Variants in CDC42BPB observed in about 807,000 individuals in gnomAD.
The protein encoded by CDC42BPB is CDC42 binding protein kinase beta.
In CDC42BPB, 37 loss-of-function variants were observed where a neutral mutation model predicts 214.9. The observed-to-expected ratio is 0.17, with a 90% CI of 0.13 to 0.23. CDC42BPB has a LOEUF of 0.23. Among genes scored for constraint, CDC42BPB ranks in the 10% least tolerant of loss-of-function variants. CDC42BPB has a pLI of 1.00. For synonymous variants in CDC42BPB, 931 were observed against 884.0 expected (o/e 1.05, Z -0.94); for missense variants, 1,694 against 2,227.0 (o/e 0.76, Z 4.82).
At chr14:102,954,962 G>A (rs1892650201) in intron 21 of CDC42BPB, 3 of 206,710 alleles carry the variant, frequency 1.5e-5, no homozygotes, top group African/African-American at 4.7e-5. Context: ...CAGTCACCCC[G>A]CTGAGGTGAG....
At position 102,968,233 on chromosome 14, in the gene CDC42BPB, A is replaced by G. The variant is rs754674544; in HGVS notation, c.2346+20T>C. 6 of 1,562,282 alleles carry G rather than the reference A, an allele frequency of 3.8e-6. No homozygotes were observed. In the African/African-American group the frequency reaches 6.8e-5, roughly 18 times the overall value. On this transcript the variant is annotated intron_variant, in intron 16 of 36. Transcript: ENST00000361246. ...CAACTTCCACACAAAGTGCTAACTC[A>G]GGTACTTTGAATTAATTACCTTTTC...
chr14:102,986,259 C>A (rs1040258373), intron 6 of CDC42BPB: 1 of 447,082 alleles, frequency 2.2e-6, no homozygotes, highest in Non-Finnish European at 4.1e-6. Context: ...TTCTGGAAGG[C>A]ACACATATTA....
intron 12 of CDC42BPB, among the ~76,000 whole-genome samples, chr14:102,973,558 A>G (rs1893582259): frequency 6.6e-6 from 1 of 152,148 alleles, no homozygotes; most frequent in Non-Finnish European, 1.5e-5. Context: ...CCTGGTGGAG[A>G]GAAGGGGAGG....
At chr14:102,978,299 C>G in intron 8 of CDC42BPB, 94 bp from the exon 9 acceptor site, 2 of 1,568,332 alleles carry the variant, frequency 1.3e-6, no homozygotes, top group Non-Finnish European at 1.7e-6. Flanking sequence ...ACAGGAGGCA[C>G]TGGGCAGAAC....
chr14:103,027,739 G>A (rs1407391004), intron 1 of CDC42BPB, among the ~76,000 whole-genome samples: 1 of 152,220 alleles, frequency 6.6e-6, no homozygotes, highest in Non-Finnish European at 1.5e-5. Flanking sequence ...TACTGCTAAT[G>A]GGTACAAGGC....
At position 102,999,572 on chromosome 14, in the gene CDC42BPB, C is replaced by A. The variant is rs147856179; in HGVS notation, c.589G>T (p.Val197Leu). 1 of 1,613,816 alleles carries A rather than the reference C, an allele frequency of 6.2e-7. No individual in the cohort carries two copies. Among genetic ancestry groups the A allele is most frequent in the Non-Finnish European group, 8.5e-7 (1 of 1,179,888 alleles). The change falls in exon 5 of 37, where the codon GTG (valine) becomes TTG (leucine). Residue 197 changes from valine to leucine, a missense_variant. By Grantham distance (32) the Val-to-Leu change is conservative. Transcript: ENST00000361246. ...ATATCAGAAGCCGGTTACCTGTGCA[C>A]GTAATGAAGCTGATGGATGGAGTCA... ...AIDSIHQLHYVHRDIKPDNVL... is the reference protein window; with the variant it reads ...AIDSIHQLHYLHRDIKPDNVL...
At chr14:102,987,618 G>A (rs900366409) in intron 5 of CDC42BPB, among the ~76,000 whole-genome samples, 1 of 151,826 alleles carries the variant, frequency 6.6e-6, no homozygotes, top group Admixed American at 6.6e-5. Context: ...CACAAACATG[G>A]GCAGATGATA....
intron 3 of CDC42BPB, among the ~76,000 whole-genome samples, chr14:103,006,167 C>T (rs567998662): frequency 6.6e-6 from 1 of 152,314 alleles, no homozygotes; most frequent in South Asian, 2.1e-4. Flanking sequence ...CCAACAGCCA[C>T]CTCAGCCACA....
chr14:102,940,487 ATCT>A (rs1295680631), intron 30 of CDC42BPB, 163 bp from the exon 31 acceptor site: 2 of 1,449,866 alleles, frequency 1.4e-6, no homozygotes, highest in African/African-American at 1.4e-5. Context: ...TCTGGAATTC[ATCT>A]TCATTTCAAA....
intron 3 of CDC42BPB, among the ~76,000 whole-genome samples, chr14:103,007,305 G>A (rs963311239): frequency 1.3e-5 from 2 of 152,170 alleles, no homozygotes; most frequent in Non-Finnish European, 2.9e-5. Context: ...GAGCGGGGGA[G>A]GGAAAAGCCA....
Position 102,980,884 on chromosome 14 carries a change from T to A in CDC42BPB, c.1029A>T (p.Glu343Asp). 6.2e-7 allele frequency: 1 copy of A among 1,614,170 alleles called. No individual in the cohort carries two copies. Among genetic ancestry groups the A allele is most frequent in the Non-Finnish European group, 8.5e-7 (1 of 1,180,028 alleles). ...IEDFKKHAFF[E>D]GLNWENIRNL... Reference sequence around the variant, plus strand: ...TTCGTATATTTTCCCAATTTAGACCTTCAAAAAACGCATGCTTTTTGAAAT... The same window carrying A: ...TTCGTATATTTTCCCAATTTAGACCATCAAAAAACGCATGCTTTTTGAAAT... Residue 343 changes from glutamate (E) to aspartate (D), a missense_variant, in exon 8 of 37, where the codon GAA becomes GAT. Transcript: ENST00000361246.
intron 25 of CDC42BPB, chr14:102,950,114 C>T: frequency 1.0e-6 from 1 of 985,244 alleles, no homozygotes; most frequent in Non-Finnish European, 1.2e-6. Flanking sequence ...GCAGCTCAGC[C>T]AACGCTGTGT....
In CDC42BPB at chr14:102,958,608, T is replaced by C. The variant is rs1892815271; in HGVS notation, c.2901+1023A>G. ...CCTCCACGGAATGCCACCAAGAACC[T>C]GCGGCCCATGGAGGGAGGCAGTGGG... On this transcript the variant is annotated intron_variant, in intron 21 of 36. Transcript: ENST00000361246. Among the ~76,000 whole-genome samples the C allele has an allele frequency of 2.0e-5, 3 of 151,612 alleles. No homozygotes were observed. In the South Asian group the frequency reaches 6.3e-4, roughly 32 times the overall value.
At chr14:102,948,814 T>G in intron 26 of CDC42BPB, among the ~76,000 whole-genome samples, 1 of 151,914 alleles carries the variant, frequency 6.6e-6, no homozygotes, top group Non-Finnish European at 1.5e-5. Flanking sequence ...GGCCCCTGAC[T>G]TGGGCTCATG....
chr14:102,983,531 A>AC (rs1209518887), intron 7 of CDC42BPB, 25 bp downstream of exon 7: 3 of 1,585,524 alleles, frequency 1.9e-6, no homozygotes. Context: ...GGTACCAAAA[A>AC]AAAAAAAAAA....
At chr14:102,963,588 G>A (rs34797001) in intron 19 of CDC42BPB, among the ~76,000 whole-genome samples, 2 of 152,158 alleles carry the variant, frequency 1.3e-5, no homozygotes, top group Non-Finnish European at 2.9e-5. Flanking sequence ...TCGTGCAGGG[G>A]ACAGAGGAAG....
At chr14:102,938,459 G>A in intron 34 of CDC42BPB, 48 bp from the exon 35 acceptor site, 4 of 1,505,524 alleles carry the variant, frequency 2.7e-6, no homozygotes, top group Non-Finnish European at 3.5e-6. Context: ...ACACCCGGCA[G>A]GGCCGGCTGC....
intron 14 of CDC42BPB, 137 bp from the exon 15 acceptor site, chr14:102,968,853 T>C: frequency 6.7e-7 from 1 of 1,487,834 alleles, no homozygotes; most frequent in Non-Finnish European, 8.9e-7. Flanking sequence ...CCAGATGACG[T>C]AGCTGACCTG....
rs34185920 is a variant in CDC42BPB at position 102,941,584 on chromosome 14, T to C, written c.4409-1260A>G. On this transcript the variant is annotated intron_variant, in intron 30 of 36. Transcript: ENST00000361246. ...TCCACACGGGCTTCTGGGAAGGCCC[T>C]TGCCTGCCGAGTATGTGGGGATTCG... is the stretch of plus-strand genomic sequence containing the variant. 3,783 of 984,648 alleles carry C rather than the reference T, an allele frequency of 3.8e-3. 137 individuals carry two copies. In the African/African-American group the frequency reaches 0.062, roughly 16 times the overall value. 61.0% of individuals were successfully genotyped at this position (984,648 alleles called of 1,614,324 possible).
Sources: gnomAD v4.1 joint callset for allele counts (sites outside exome capture counted in the v4.1 genomes callset) on GRCh38, gnomAD v4.1.1 for gene constraint, MANE v1.5 for transcripts, NCBI Gene and HGNC (gene_info 2026-07-23, HGNC 2026-07-21) for gene names.